The following ACOT7 variants were observed in gnomAD, a reference collection of about 807,000 sequenced individuals.
The protein encoded by ACOT7 is cytosolic acyl coenzyme A thioester hydrolase.
A neutral mutation model predicts 40.2 loss-of-function variants in ACOT7; 12 were observed. The ratio of observed to expected loss-of-function variants is 0.30; its 90% confidence interval spans 0.19 to 0.48. The LOEUF is 0.48. Among genes scored for constraint, ACOT7 ranks in the 20% least tolerant of loss-of-function variants. The pLI is 0.99. For synonymous variants in ACOT7, 228 were observed against 219.5 expected, an observed-to-expected ratio of 1.04 and a Z score of -0.34; for missense variants, 395 against 530.8, an observed-to-expected ratio of 0.74 and a Z score of 2.51.
chr1:6,335,327 CAAAAAAAAAAAAA>C (rs58439931), intron 3 of ACOT7, among the ~76,000 whole-genome samples: 1 of 58,348 alleles, frequency 1.7e-5, no homozygotes, highest in Non-Finnish European at 3.4e-5. Context: ...AACTCTGCCT[CAAAAAAAAAAAAA>C]AAAAAAAAAA....
chr1:6,336,402 T>G (rs1641104177), intron 3 of ACOT7, among the ~76,000 whole-genome samples: 2 of 151,548 alleles, frequency 1.3e-5, no homozygotes, highest in African/African-American at 4.8e-5. Context: ...TCTGGAGCAA[T>G]TCACAGCAAT....
chr1:6,328,638 C>A (rs1032822294), intron 4 of ACOT7, among the ~76,000 whole-genome samples: 1 of 152,076 alleles, frequency 6.6e-6, no homozygotes, highest in East Asian at 1.9e-4. Flanking sequence ...GCCGAGATTG[C>A]GCCACTGCAC....
At chr1:6,315,887 C>T (rs1455380855) in intron 6 of ACOT7, among the ~76,000 whole-genome samples, 1 of 151,292 alleles carries the variant, frequency 6.6e-6, no homozygotes, top group East Asian at 1.9e-4. Context: ...TAATACACAT[C>T]TTAACATGTG....
intron 1 of ACOT7, among the ~76,000 whole-genome samples, chr1:6,363,419 C>CTG (rs1224415393): frequency 3.3e-5 from 5 of 151,556 alleles, no homozygotes; most frequent in South Asian, 2.1e-4. Context: ...GAGGGCCTGA[C>CTG]ATCAGTCAGG....
At chr1:6,332,926 C>A (rs992207384) in intron 4 of ACOT7, among the ~76,000 whole-genome samples, 1 of 152,178 alleles carries the variant, frequency 6.6e-6, no homozygotes, top group South Asian at 2.1e-4. Flanking sequence ...GGAGACAGAC[C>A]CCAGCAGGGG....
Position 6,282,680 on chromosome 1 carries a change from A to G in ACOT7, c.830-1394T>C, listed in dbSNP as rs1164130527. On this transcript the variant is annotated intron_variant, in intron 7 of 8. Transcript: ENST00000361521. This position sits in a 1 kb window ranked among gnomAD's most constrained non-coding sequence, Gnocchi z 4.5. Reference sequence around the variant, plus strand: ...AGGCAAGAGCGGTTATTCCATGTTAAAAAGTATCAGAACGATCCATGCTAC... The same window carrying G: ...AGGCAAGAGCGGTTATTCCATGTTAGAAAGTATCAGAACGATCCATGCTAC... 1.6e-5 allele frequency: 21 copies of G among 1,289,802 alleles called. No homozygotes were observed. The highest frequency in any genetic ancestry group is 2.2e-5 in the Non-Finnish European group (21 of 976,268). 79.9% of individuals were successfully genotyped at this position (1,289,802 alleles called of 1,614,324 possible).
intron 3 of ACOT7, among the ~76,000 whole-genome samples, chr1:6,335,496 A>T (rs1416074294): frequency 6.6e-6 from 1 of 152,168 alleles, no homozygotes; most frequent in Non-Finnish European, 1.5e-5. Flanking sequence ...CTGTCTTAAA[A>T]AAATAAATAA....
intron 7 of ACOT7, among the ~76,000 whole-genome samples, chr1:6,291,886 G>A (rs1160824906): frequency 6.6e-6 from 1 of 152,182 alleles, no homozygotes; most frequent in Non-Finnish European, 1.5e-5. Context: ...GCACAGCCTC[G>A]CTCTGTTTCC....
At chr1:6,281,040 A>G in intron 8 of ACOT7, 62 bp downstream of exon 8, 1 of 1,568,088 alleles carries the variant, frequency 6.4e-7, no homozygotes, top group Non-Finnish European at 8.6e-7. Context: ...TGGAGGCCCA[A>G]ACACAGGGAC....
In ACOT7 at chr1:6,340,061, A is replaced by G. The variant is rs541857677; in HGVS notation, c.262-472T>C. Among the ~76,000 whole-genome samples, 309 of 141,782 alleles carry G rather than the reference A, an allele frequency of 2.2e-3. 7 individuals are homozygous for G. The highest frequency in any genetic ancestry group is 6.0e-3 in the Admixed American group (88 of 14,640). The allele number at this position is 141,782 out of a possible 152,430, so 93.0% of individuals were successfully genotyped here. On this transcript the variant is annotated intron_variant, in intron 2 of 8. Coordinates refer to ENST00000361521, the MANE Select transcript of ACOT7 (RefSeq NM_007274.4). ...CCTCACTGCAAGCGCCGCCTCCCAG[A>G]TTCACGCCATTCTCCTGCCTCAGCC...
chr1:6,306,363 G>C lies in ACOT7; in HGVS notation c.713-11383C>G. ...GGGACCCGGCTGAGAGGAGGACCCAGTGTGGGCAGGACAAAGTGAGTTCCT... is the reference window on the plus strand; with the variant it reads ...GGGACCCGGCTGAGAGGAGGACCCACTGTGGGCAGGACAAAGTGAGTTCCT... On this transcript the variant is annotated intron_variant, in intron 6 of 8. Coordinates refer to ENST00000361521, the MANE Select transcript of ACOT7 (RefSeq NM_007274.4). The surrounding 1 kb of genome is among the most constrained non-coding windows in gnomAD (Gnocchi z 4.3). 1 of 985,440 alleles carries C rather than the reference G, an allele frequency of 1.0e-6. No homozygotes were observed. The highest frequency in any genetic ancestry group is 1.2e-6 in the Non-Finnish European group (1 of 829,938). The allele number at this position is 985,440 out of a possible 1,614,324, so 61.0% of individuals were successfully genotyped here. A position where few individuals can be genotyped will look rare whatever the true frequency, so the allele number is the denominator to read the frequency against.
At chr1:6,272,423 C>T (rs1217445588) in intron 8 of ACOT7, among the ~76,000 whole-genome samples, 2 of 152,192 alleles carry the variant, frequency 1.3e-5, no homozygotes, top group African/African-American at 2.4e-5. Context: ...CAGGAGCCTG[C>T]AACAGTGACA....
chr1:6,275,955 G>A lies in ACOT7; in HGVS notation c.1014+5147C>T, dbSNP rs114227389. On this transcript the variant is annotated intron_variant, in intron 8 of 8. Coordinates refer to ENST00000361521, the MANE Select transcript of ACOT7 (RefSeq NM_007274.4). The surrounding 1 kb of genome is among the most constrained non-coding windows in gnomAD (Gnocchi z 5.6). ...AATGTGGTTGCACAGTTGGAGCCTCGGCTAATCTGGGGACACATCCCCTCC... is the reference window on the plus strand; with the variant it reads ...AATGTGGTTGCACAGTTGGAGCCTCAGCTAATCTGGGGACACATCCCCTCC... 3.3e-5 allele frequency among the ~76,000 whole-genome samples: 5 copies of A among 152,222 alleles called. No homozygotes were observed. Among genetic ancestry groups the A allele is most frequent in the African/African-American group, 4.8e-5 (2 of 41,534 alleles).
intron 2 of ACOT7, among the ~76,000 whole-genome samples, chr1:6,341,007 G>GC (rs1005897540): frequency 1.6e-4 from 25 of 151,988 alleles, no homozygotes; most frequent in Middle Eastern, 3.4e-3. Context: ...CTGCACTCCA[G>GC]CCTGGGTGAC....
chr1:6,276,520 C>T (rs1328475244), intron 8 of ACOT7, among the ~76,000 whole-genome samples: 1 of 152,056 alleles, frequency 6.6e-6, no homozygotes, highest in Non-Finnish European at 1.5e-5. Context: ...AGAGAGGCTG[C>T]ATCCGTGTCA....
chr1:6,375,261 CA>C (rs34778182), intron 1 of ACOT7, among the ~76,000 whole-genome samples: 5,486 of 73,756 alleles, frequency 0.074, 202 homozygotes, highest in African/African-American at 0.18. Flanking sequence ...AGACTCCTCT[CA>C]AAAAAAAAAA....
chr1:6,385,334 A>G (rs200947685), intron 1 of ACOT7, among the ~76,000 whole-genome samples: 1 of 109,526 alleles, frequency 9.1e-6, no homozygotes, highest in African/African-American at 5.7e-5. Flanking sequence ...GTGGCCACTT[A>G]AGTGGGCACT....
At position 6,347,046 on chromosome 1, in the gene ACOT7, G is replaced by A. The variant is rs553353414; in HGVS notation, c.261+2703C>T. On this transcript the variant is annotated intron_variant, in intron 2 of 8. Transcript: ENST00000361521. ...GGCATCCAGATGGGCTGGCCAAGAG[G>A]CCCCAGCCAGAGACAGAACCTTGGG... Among the ~76,000 whole-genome samples the A allele has an allele frequency of 8.5e-5, 13 of 152,250 alleles. No homozygotes were observed. The South Asian group carries it at 2.3e-3, about 27-fold the overall frequency.
chr1:6,284,068 ACGAAT>A (rs932972264), intron 7 of ACOT7, among the ~76,000 whole-genome samples: 1 of 152,194 alleles, frequency 6.6e-6, no homozygotes, highest in African/African-American at 2.4e-5. Flanking sequence ...GGGTTGACAG[ACGAAT>A]CACAAGTCCC....
Sources: allele counts gnomAD v4.1 joint callset (sites outside exome capture counted in the v4.1 genomes callset), GRCh38; gene constraint gnomAD v4.1.1; non-coding constraint Gnocchi (gnomAD v3.1); transcripts MANE v1.5; gene names NCBI Gene and HGNC (gene_info 2026-07-23, HGNC 2026-07-21).